Variants in UNC13C observed in about 807,000 individuals in gnomAD.
The protein encoded by UNC13C is protein unc-13 homolog C.
Under a neutral mutation model 245.4 loss-of-function variants are expected in UNC13C, and 174 were observed. The observed-to-expected ratio is 0.71, with a 90% CI of 0.63 to 0.80. The LOEUF (loss-of-function observed/expected upper bound fraction) is 0.80. Among genes scored for constraint, UNC13C ranks in the 30% least tolerant of loss-of-function variants. The probability of loss-of-function intolerance (pLI) is 0.00; values close to 1 mark genes in which losing one functional copy is unlikely to be tolerated. For synonymous variants in UNC13C, 992 were observed against 895.1 expected, an observed-to-expected ratio of 1.11 and a Z score of -1.93; for missense variants, 2,829 against 2,602.9, an observed-to-expected ratio of 1.09 and a Z score of -1.89.
At chr15:54,573,861 T>C (rs563660938) in intron 30 of UNC13C, among the ~76,000 whole-genome samples, 1 of 152,334 alleles carries the variant, frequency 6.6e-6, no homozygotes, top group East Asian at 1.9e-4. Context: ...GTGCTCAGTC[T>C]AGGACACCCT....
chr15:54,502,661 G>A (rs556288135), intron 22 of UNC13C, among the ~76,000 whole-genome samples: 20 of 152,154 alleles, frequency 1.3e-4, no homozygotes, highest in East Asian at 7.7e-4. Context: ...AGTATGTCAC[G>A]TACTATTCTT....
chr15:54,019,160 A>G (rs372365945), intron 2 of UNC13C, among the ~76,000 whole-genome samples: 1 of 152,228 alleles, frequency 6.6e-6, no homozygotes, highest in Non-Finnish European at 1.5e-5. Context: ...GAGGAAGCAG[A>G]TGCTGAAAAC....
intron 18 of UNC13C, among the ~76,000 whole-genome samples, chr15:54,408,636 T>A (rs2040356325): frequency 6.8e-6 from 1 of 146,202 alleles, no homozygotes; most frequent in Non-Finnish European, 1.5e-5. Context: ...AGAGTTCTAA[T>A]GTTTATTTAT....
intron 17 of UNC13C, among the ~76,000 whole-genome samples, chr15:54,391,621 T>TA (rs2039958186): frequency 6.6e-6 from 1 of 152,100 alleles, no homozygotes; most frequent in African/African-American, 2.4e-5. Context: ...GCTTATCATT[T>TA]ATTCTGGATA....
At chr15:54,136,347 G>A (rs1281495617) in intron 2 of UNC13C, among the ~76,000 whole-genome samples, 2 of 151,634 alleles carry the variant, frequency 1.3e-5, no homozygotes, top group Admixed American at 6.6e-5. Context: ...TTGCCATGTT[G>A]CCCACTGTTT....
the UNC13C span, among the ~76,000 whole-genome samples, chr15:53,971,672 T>C: frequency 1.3e-5 from 2 of 152,182 alleles, no homozygotes; most frequent in Non-Finnish European, 2.9e-5. Flanking sequence ...AAGTATACTT[T>C]CTTTTAAGAA....
chr15:53,874,076 G>C, the UNC13C span, among the ~76,000 whole-genome samples: 11 of 151,874 alleles, frequency 7.2e-5, no homozygotes, highest in Middle Eastern at 3.4e-3. Flanking sequence ...TCTAGGCTCC[G>C]TCAATTTTCC....
chr15:54,452,725 C>G (rs1049009319), intron 19 of UNC13C, among the ~76,000 whole-genome samples: 1 of 152,212 alleles, frequency 6.6e-6, no homozygotes, highest in Admixed American at 6.5e-5. Flanking sequence ...GCACTGTGGC[C>G]CTGCTACTGC....
At chr15:54,196,330 T>G (rs2034352571) in intron 4 of UNC13C, among the ~76,000 whole-genome samples, 1 of 150,688 alleles carries the variant, frequency 6.6e-6, no homozygotes, top group Admixed American at 6.6e-5. Flanking sequence ...TTTAGCAGCA[T>G]GCAGGCTACT....
chr15:54,032,715 G>C (rs1896410471), intron 2 of UNC13C, among the ~76,000 whole-genome samples: 1 of 152,150 alleles, frequency 6.6e-6, no homozygotes, highest in Non-Finnish European at 1.5e-5. Context: ...GAAAATACAA[G>C]TTATTGTGCT....
intron 2 of UNC13C, among the ~76,000 whole-genome samples, chr15:54,060,990 A>G (rs1371273662): frequency 2.0e-5 from 3 of 152,130 alleles, no homozygotes; most frequent in Non-Finnish European, 2.9e-5. Flanking sequence ...GAGGGGAGGG[A>G]GAGCATTAGG....
At chr15:54,450,612 G>T (rs1891118175) in intron 19 of UNC13C, among the ~76,000 whole-genome samples, 2 of 152,202 alleles carry the variant, frequency 1.3e-5, no homozygotes, top group African/African-American at 2.4e-5. Flanking sequence ...TTGTTAAGAC[G>T]ATTGGAAAAG....
intron 19 of UNC13C, among the ~76,000 whole-genome samples, chr15:54,451,950 T>C (rs1003444936): frequency 6.6e-6 from 1 of 152,198 alleles, no homozygotes; most frequent in African/African-American, 2.4e-5. Context: ...TATCTGTGAT[T>C]TTGGTTAGGT....
intron 30 of UNC13C, among the ~76,000 whole-genome samples, chr15:54,612,588 C>T (rs1900174421): frequency 6.6e-6 from 1 of 151,952 alleles, no homozygotes; most frequent in African/African-American, 2.4e-5. Context: ...AAAACTCCTC[C>T]TAGAACATTC....
chr15:54,027,782 T>A (rs1896178623), intron 2 of UNC13C, among the ~76,000 whole-genome samples: 1 of 149,346 alleles, frequency 6.7e-6, no homozygotes, highest in South Asian at 2.1e-4. Flanking sequence ...ATTTGCACAT[T>A]TCCTTTTTTT....
chr15:54,004,743 C>G (rs957662407), intron 1 of UNC13C, among the ~76,000 whole-genome samples: 1 of 152,170 alleles, frequency 6.6e-6, no homozygotes, highest in African/African-American at 2.4e-5. Context: ...TGAGTTGCAT[C>G]TCTCTAATGA....
intron 19 of UNC13C, among the ~76,000 whole-genome samples, chr15:54,447,838 C>G (rs1890913585): frequency 6.6e-6 from 1 of 152,098 alleles, no homozygotes; most frequent in African/African-American, 2.4e-5. Flanking sequence ...TTTGCTCTTG[C>G]TTTTCTAGTT....
chr15:54,612,575 G>A (rs1162213095), intron 30 of UNC13C, among the ~76,000 whole-genome samples: 1 of 151,864 alleles, frequency 6.6e-6, no homozygotes, highest in African/African-American at 2.4e-5. Context: ...TTCCCCAATA[G>A]TAAAAACTCC....
At chr15:54,573,518 T>A (rs1163300187) in intron 30 of UNC13C, among the ~76,000 whole-genome samples, 2 of 152,244 alleles carry the variant, frequency 1.3e-5, no homozygotes, top group Admixed American at 6.5e-5. Context: ...AGAAATGTAC[T>A]GCAATATTAA....
Sources: allele counts gnomAD v4.1 joint callset (sites outside exome capture counted in the v4.1 genomes callset), GRCh38; gene constraint gnomAD v4.1.1; transcripts MANE v1.5; gene names NCBI Gene and HGNC (gene_info 2026-07-23, HGNC 2026-07-21).